Variants in CLCN5 observed in about 807,000 individuals in gnomAD.
CLCN5 encodes H(+)/Cl(-) exchange transporter 5.
A neutral mutation model predicts 54.0 loss-of-function variants in CLCN5; 17 were observed. The ratio of observed to expected loss-of-function variants is 0.31; its 90% confidence interval spans 0.22 to 0.47. The LOEUF (loss-of-function observed/expected upper bound fraction) is 0.47. Among genes scored for constraint, CLCN5 ranks in the 20% least tolerant of loss-of-function variants. The probability of loss-of-function intolerance (pLI) is 1.00; values close to 1 mark genes in which losing one functional copy is unlikely to be tolerated. For missense variants in CLCN5, 448 were observed against 646.7 expected, an observed-to-expected ratio of 0.69 and a Z score of 3.33; for synonymous variants, 222 against 233.0, an observed-to-expected ratio of 0.95 and a Z score of 0.43.
intron 10 of CLCN5, 26 bp downstream of exon 10, chrX:50,086,086 G>A (rs1557193841): frequency 9.1e-7 from 1 of 1,103,040 alleles, no homozygotes; most frequent in Admixed American, 2.2e-5. Flanking sequence ...TGTACAGCAT[G>A]TGCATGCTTT....
intron 4 of CLCN5, among the ~76,000 whole-genome samples, chrX:50,045,500 T>C (rs782386245): frequency 2.0e-4 from 23 of 112,361 alleles, no homozygotes; most frequent in Admixed American, 1.5e-3. Flanking sequence ...GAAAATGGTA[T>C]CCATCATCTA....
chrX:50,031,157 AT>A (rs1557185811), intron 3 of CLCN5, among the ~76,000 whole-genome samples: 1 of 111,726 alleles, frequency 9.0e-6, no homozygotes, highest in Admixed American at 9.5e-5. Flanking sequence ...TTTAATTTTA[AT>A]TTACCTGAAT....
chrX:49,946,214 G>T (rs1557172089), intron 3 of CLCN5, among the ~76,000 whole-genome samples: 1 of 111,910 alleles, frequency 8.9e-6, no homozygotes, highest in Non-Finnish European at 1.9e-5. Flanking sequence ...TGCTATATTT[G>T]TTTTCCGTTG....
At chrX:50,041,593 C>G (rs903747363) in intron 3 of CLCN5, among the ~76,000 whole-genome samples, 1 of 110,653 alleles carries the variant, frequency 9.0e-6, no homozygotes, top group African/African-American at 3.3e-5. Flanking sequence ...TCCCCATTCT[C>G]AAATGGCCAG....
chrX:49,937,223 G>T (rs1343107066), intron 3 of CLCN5, among the ~76,000 whole-genome samples: 1 of 111,939 alleles, frequency 8.9e-6, no homozygotes, highest in Non-Finnish European at 1.9e-5. Flanking sequence ...TCGTGTATAT[G>T]TGTTCTTGCA....
chrX:50,027,188 G>T (rs1602064713), intron 3 of CLCN5, among the ~76,000 whole-genome samples: 1 of 109,241 alleles, frequency 9.2e-6, no homozygotes, highest in Admixed American at 9.8e-5. Flanking sequence ...CTAATTTTTT[G>T]TATCTTTAGG....
chrX:49,967,690 C>G (rs1490882872), intron 3 of CLCN5, among the ~76,000 whole-genome samples: 1 of 25,537 alleles, frequency 3.9e-5, no homozygotes, highest in Non-Finnish European at 6.0e-5. Flanking sequence ...CTATCTATGA[C>G]AAACCCACAG....
intron 3 of CLCN5, among the ~76,000 whole-genome samples, chrX:50,040,058 CAG>C (rs782329007): frequency 2.7e-5 from 3 of 112,071 alleles, no homozygotes; most frequent in East Asian, 5.6e-4. Flanking sequence ...GGAAGACAGA[CAG>C]AGTCAATTTC....
At chrX:49,976,083 T>A (rs1205327071) in intron 3 of CLCN5, among the ~76,000 whole-genome samples, 3 of 111,788 alleles carry the variant, frequency 2.7e-5, no homozygotes, top group African/African-American at 9.8e-5. Context: ...GTCCTAGAAA[T>A]CCTGGCCTAA....
chrX:49,966,759 C>T (rs1927919823), intron 3 of CLCN5, among the ~76,000 whole-genome samples: 1 of 24,915 alleles, frequency 4.0e-5, no homozygotes, highest in Admixed American at 5.0e-4. Context: ...AATGCTATCC[C>T]TCCCCCCTCC....
intron 12 of CLCN5, 144 bp downstream of exon 12, chrX:50,089,028 C>T: frequency 1.9e-6 from 1 of 538,501 alleles, no homozygotes; most frequent in East Asian, 3.6e-5. Flanking sequence ...ATTAAGAAAG[C>T]ATCTGGTATA....
intron 7 of CLCN5, among the ~76,000 whole-genome samples, chrX:50,077,843 A>T (rs1389306267): frequency 1.0e-5 from 1 of 95,844 alleles, no homozygotes. Context: ...AAAAAAAAAA[A>T]AAAAAACATG....
Position 50,019,466 on chromosome X carries a change from T to G in CLCN5, c.17-22850T>G, listed in dbSNP as rs782499878. Among the ~76,000 whole-genome samples, 8 of 90,457 alleles carry G rather than the reference T, an allele frequency of 8.8e-5. No individual in the cohort carries two copies. The East Asian group carries it at 1.8e-3, about 21-fold the overall frequency. 78.6% of individuals were successfully genotyped at this position (90,457 alleles called of 115,157 possible). ...TGTCTTTCATGCTTACTTTTTTTTT[T>G]TCTTTTTTTTTTTTTTTTTTTTTAT... On this transcript the variant is annotated intron_variant, in intron 3 of 14. Transcript: ENST00000376091.
intron 3 of CLCN5, among the ~76,000 whole-genome samples, chrX:50,026,978 T>G (rs782130044): frequency 9.0e-6 from 1 of 111,115 alleles, no homozygotes; most frequent in East Asian, 2.8e-4. Context: ...TAGTCATTAT[T>G]ACTTTATGTA....
intron 3 of CLCN5, among the ~76,000 whole-genome samples, chrX:49,992,256 A>G (rs1204508427): frequency 9.4e-6 from 1 of 105,942 alleles, no homozygotes; most frequent in Non-Finnish European, 1.9e-5. Context: ...AAAAATAACA[A>G]AAATGTTCTC....
chrX:49,942,324 C>T (rs1257719658), intron 3 of CLCN5, among the ~76,000 whole-genome samples: 1 of 107,089 alleles, frequency 9.3e-6, no homozygotes, highest in Non-Finnish European at 1.9e-5. Context: ...CCACTTAATA[C>T]TGTGAACTCT....
intron 3 of CLCN5, chrX:50,003,435 C>A (rs1929985372): frequency 5.4e-6 from 2 of 369,808 alleles, no homozygotes; most frequent in Admixed American, 5.3e-5. Flanking sequence ...CACTTGCACC[C>A]CCCAGGCCAG....
At chrX:50,054,140 T>A (rs1932672506) in intron 4 of CLCN5, among the ~76,000 whole-genome samples, 1 of 111,362 alleles carries the variant, frequency 9.0e-6, no homozygotes, top group South Asian at 3.8e-4. Flanking sequence ...TTGATGGAAC[T>A]GTGTTTTGTG....
intron 3 of CLCN5, among the ~76,000 whole-genome samples, chrX:49,973,035 A>G (rs1178127476): frequency 4.5e-5 from 5 of 111,861 alleles, no homozygotes; most frequent in African/African-American, 1.6e-4. Flanking sequence ...TAGAGCCACA[A>G]TAACCTGGTG....
Sources: gnomAD v4.1 joint callset for allele counts (sites outside exome capture counted in the v4.1 genomes callset) on GRCh38, gnomAD v4.1.1 for gene constraint, MANE v1.5 for transcripts, NCBI Gene and HGNC (gene_info 2026-07-23, HGNC 2026-07-21) for gene names.